RASSF9: variants seen among roughly 807,000 people sequenced by gnomAD.
The protein encoded by RASSF9 is Ras association domain family member 9.
RASSF9 carries 18 observed loss-of-function variants against 21.4 expected under a neutral mutation model. That is an observed-to-expected ratio of 0.84 (90% CI 0.58 to 1.25). The LOEUF is 1.25. Among genes scored for constraint, RASSF9 ranks in the 50% most tolerant of loss-of-function variants. RASSF9 has a pLI of 0.00. For missense variants in RASSF9, 480 were observed against 503.2 expected, an observed-to-expected ratio of 0.95 and a Z score of 0.44; for synonymous variants, 183 against 179.1, an observed-to-expected ratio of 1.02 and a Z score of -0.18.
intron 1 of RASSF9, among the ~76,000 whole-genome samples, chr12:85,812,669 G>A (rs1296681965): frequency 6.6e-6 from 1 of 151,254 alleles, no homozygotes; most frequent in East Asian, 1.9e-4. Flanking sequence ...AAAAATAAGA[G>A]TAATAGAACT....
chr12:85,826,183 A>T (rs1186074018), intron 1 of RASSF9, among the ~76,000 whole-genome samples: 1 of 152,130 alleles, frequency 6.6e-6, no homozygotes, highest in East Asian at 1.9e-4. Flanking sequence ...CTTCACCCTG[A>T]TGTTCTTCCC....
chr12:85,823,423 T>G (rs1377936820), intron 1 of RASSF9, among the ~76,000 whole-genome samples: 3 of 152,172 alleles, frequency 2.0e-5, no homozygotes, highest in African/African-American at 7.2e-5. Flanking sequence ...GATCTTCCTT[T>G]GCTTTTCCAG....
chr12:85,818,972 A>G (rs1880147277), intron 1 of RASSF9, among the ~76,000 whole-genome samples: 1 of 151,592 alleles, frequency 6.6e-6, no homozygotes, highest in Non-Finnish European at 1.5e-5. Flanking sequence ...AAAAAAAAAA[A>G]AAAAAAAAGG....
chr12:85,806,672 C>CAAAAAAAAAAAAAAAAAAA (rs71076150), intron 1 of RASSF9, among the ~76,000 whole-genome samples: 1 of 54,822 alleles, frequency 1.8e-5, no homozygotes, highest in Admixed American at 2.7e-4. Context: ...GACTCCATCT[C>CAAAAAAAAAAAAAAAAAAA]AAAAAAAAAA....
At chr12:85,806,065 G>A (rs1013188911) in intron 1 of RASSF9, 103 bp from the exon 2 acceptor site, 8 of 1,286,884 alleles carry the variant, frequency 6.2e-6, no homozygotes, top group Non-Finnish European at 8.4e-6. Flanking sequence ...CCCTTAATGA[G>A]AGAGGCATTT....
intron 1 of RASSF9, among the ~76,000 whole-genome samples, chr12:85,826,493 G>A (rs1181909489): frequency 6.7e-6 from 1 of 148,174 alleles, no homozygotes; most frequent in Non-Finnish European, 1.5e-5. Context: ...TGTCGCCCAG[G>A]CTAGAGTGCA....
Position 85,804,391 on chromosome 12 carries a change from G to C in RASSF9, c.*311C>G, listed in dbSNP as rs1440620775. On this transcript the variant is annotated 3_prime_UTR_variant, in exon 2 of 2. Coordinates refer to ENST00000361228, the MANE Select transcript of RASSF9 (RefSeq NM_005447.4). Reference sequence around the variant, plus strand: ...TCTAATATTGAGGATTGCTTTTAAAGTTTATGTAAATCGTTTTCCACAGAC... The same window carrying C: ...TCTAATATTGAGGATTGCTTTTAAACTTTATGTAAATCGTTTTCCACAGAC... 1.3e-4 allele frequency: 33 copies of C among 248,294 alleles called. 2 individuals carry two copies. The East Asian group carries it at 2.7e-3, about 20-fold the overall frequency. 15.4% of individuals were successfully genotyped at this position (248,294 alleles called of 1,614,324 possible). A position where few individuals can be genotyped will look rare whatever the true frequency, so the allele number is the denominator to read the frequency against.
At chr12:85,828,265 A>G (rs1027097679) in intron 1 of RASSF9, among the ~76,000 whole-genome samples, 2 of 152,050 alleles carry the variant, frequency 1.3e-5, no homozygotes, top group African/African-American at 2.4e-5. Context: ...TTTTTTTCTG[A>G]GATGGTAAAA....
intron 1 of RASSF9, among the ~76,000 whole-genome samples, chr12:85,808,634 T>C (rs1247227101): frequency 6.6e-6 from 1 of 152,042 alleles, no homozygotes; most frequent in Non-Finnish European, 1.5e-5. Context: ...ACAAGTCAGC[T>C]CTAAATAAAT....
chr12:85,822,662 TTTAATATGC>T (rs1482383940), intron 1 of RASSF9, among the ~76,000 whole-genome samples: 1 of 152,222 alleles, frequency 6.6e-6, no homozygotes, highest in Non-Finnish European at 1.5e-5. Flanking sequence ...TTTTAAACTC[TTTAATATGC>T]TTTGAATTTT....
At chr12:85,823,953 C>G (rs1383141674) in intron 1 of RASSF9, among the ~76,000 whole-genome samples, 1 of 152,258 alleles carries the variant, frequency 6.6e-6, no homozygotes, top group East Asian at 1.9e-4. Context: ...CAATTGGCAT[C>G]CCCTAGGTTT....
rs566602241 is a variant in RASSF9 at position 85,804,729 on chromosome 12, T to C, written c.1281A>G (p.Val427=). ...ATGTTGACAACAGCACCACATCTCC[T>C]ACTGTTGTTTCGGAGTCCTGACTGT... ...SNHSQDSETT[V]GDVVLLST Residue 427 remains valine (V), a synonymous_variant, in exon 2 of 2, where the codon GTA becomes GTG. Transcript: ENST00000361228. 6.2e-7 allele frequency: 1 copy of C among 1,608,688 alleles called. No homozygotes were observed. Among genetic ancestry groups the C allele is most frequent in the South Asian group, 1.1e-5 (1 of 90,828 alleles).
At chr12:85,816,992 T>C (rs1880084540) in intron 1 of RASSF9, among the ~76,000 whole-genome samples, 1 of 152,098 alleles carries the variant, frequency 6.6e-6, no homozygotes, top group South Asian at 2.1e-4. Flanking sequence ...GAGTTAGGAA[T>C]GGGAGCTATA....
Position 85,830,444 on chromosome 12 carries a change from G to C in RASSF9, c.47+5711C>G, listed in dbSNP as rs548380958. ...GCACTACTGATCAGCTGTATTTTAA[G>C]AGTATATGTTGAATTTCTTTATTCA... On this transcript the variant is annotated intron_variant, in intron 1 of 1. Transcript: ENST00000361228. 2.0e-5 allele frequency among the ~76,000 whole-genome samples: 3 copies of C among 152,166 alleles called. No individual in the cohort carries two copies. The South Asian group carries it at 6.2e-4, about 32-fold the overall frequency.
intron 1 of RASSF9, among the ~76,000 whole-genome samples, chr12:85,809,566 T>A (rs1879905962): frequency 6.6e-6 from 1 of 151,912 alleles, no homozygotes; most frequent in South Asian, 2.1e-4. Flanking sequence ...GAGTAGTCCC[T>A]ATTTCCTGTA....
In RASSF9 at chr12:85,801,177, A is replaced by G. The variant is rs1879690843; in HGVS notation, c.*3525T>C. On this transcript the variant is annotated 3_prime_UTR_variant, in exon 2 of 2. Coordinates refer to ENST00000361228, the MANE Select transcript of RASSF9 (RefSeq NM_005447.4). The stretch of plus-strand genomic sequence containing the variant: ...AAAAAATTCTATAATATAACCATTA[A>G]ATCAGCTTAAAGAGACATTTGGGGT... 1 of 152,162 alleles carries G rather than the reference A, an allele frequency of 6.6e-6. No homozygotes were observed. The highest frequency in any genetic ancestry group is 2.4e-5 in the African/African-American group (1 of 41,452). The allele number at this position is 152,162 out of a possible 1,614,324, so 9.4% of individuals were successfully genotyped here.
chr12:85,827,915 G>T (rs547411334), intron 1 of RASSF9, among the ~76,000 whole-genome samples: 3 of 152,214 alleles, frequency 2.0e-5, no homozygotes, highest in Admixed American at 6.5e-5. Flanking sequence ...TTATACATTC[G>T]ATCAGAGGAA....
intron 1 of RASSF9, among the ~76,000 whole-genome samples, chr12:85,810,607 T>G (rs897106110): frequency 2.0e-5 from 3 of 151,958 alleles, no homozygotes; most frequent in Non-Finnish European, 4.4e-5. Context: ...CCCATGAAAA[T>G]CCAGTCGTCT....
At chr12:85,824,518 C>T (rs1428283790) in intron 1 of RASSF9, among the ~76,000 whole-genome samples, 1 of 152,074 alleles carries the variant, frequency 6.6e-6, no homozygotes, top group Non-Finnish European at 1.5e-5. Flanking sequence ...GTAATCTTAC[C>T]AGACTGTCAT....
Sources: gnomAD v4.1 joint callset for allele counts (sites outside exome capture counted in the v4.1 genomes callset) on GRCh38, gnomAD v4.1.1 for gene constraint, MANE v1.5 for transcripts, NCBI Gene and HGNC (gene_info 2026-07-23, HGNC 2026-07-21) for gene names.